DAB1: variants seen among roughly 807,000 people sequenced by gnomAD.
DAB1 encodes the protein disabled homolog 1.
DAB1 carries 15 observed loss-of-function variants against 64.6 expected under a neutral mutation model. That is an observed-to-expected ratio of 0.23 (90% CI 0.16 to 0.36). The LOEUF is 0.36. Ranked by LOEUF, DAB1 falls within the 10% of genes least tolerant of loss-of-function variation. The pLI, the probability that DAB1 is intolerant of heterozygous loss-of-function variation, is 1.00. For synonymous variants in DAB1, 235 were observed against 251.9 expected, an observed-to-expected ratio of 0.93 and a Z score of 0.64; for missense variants, 596 against 706.7, an observed-to-expected ratio of 0.84 and a Z score of 1.78.
intron 5 of DAB1, among the ~76,000 whole-genome samples, chr1:57,960,284 CTA>C (rs1345597509): frequency 6.6e-6 from 1 of 152,144 alleles, no homozygotes; most frequent in Admixed American, 6.6e-5. Flanking sequence ...ATTCAAATTA[CTA>C]TGTTTCACTG....
intron 4 of DAB1, among the ~76,000 whole-genome samples, chr1:58,165,703 T>G (rs1191364000): frequency 6.6e-6 from 1 of 152,146 alleles, no homozygotes; most frequent in Non-Finnish European, 1.5e-5. Flanking sequence ...CCAACTAAAA[T>G]TTTGTAGAGA....
At chr1:57,907,865 A>G (rs1366598904) in intron 5 of DAB1, among the ~76,000 whole-genome samples, 9 of 91,244 alleles carry the variant, frequency 9.9e-5, no homozygotes, top group South Asian at 9.4e-4. Flanking sequence ...AGGTATGTGT[A>G]TATATATATA....
rs567562149 is a variant in DAB1 at position 57,688,737 on chromosome 1, A to G, written n.552-39072T>C. Among the ~76,000 whole-genome samples, 11 of 152,342 alleles carry G rather than the reference A, an allele frequency of 7.2e-5. No individual in the cohort carries two copies. The East Asian group carries it at 2.1e-3, about 29-fold the overall frequency. ...ATACCATGAAATACTATGCAGCCAT[A>G]AAAGGAACAAAATTATGTCCTTTGC... On this transcript the variant is annotated intron_variant and non_coding_transcript_variant, in intron 6 of 20. Coordinates refer to the DAB1 transcript ENST00000485760.
At chr1:58,180,344 G>A (rs1384446245) in intron 4 of DAB1, among the ~76,000 whole-genome samples, 2 of 130,730 alleles carry the variant, frequency 1.5e-5, no homozygotes, top group African/African-American at 6.1e-5. Context: ...CCAGACTGGA[G>A]TGCAGTGGTG....
Position 57,877,552 on chromosome 1 carries a change from T to TA in DAB1, n.87+6446_87+6447insT, listed in dbSNP as rs1305028547. Among the ~76,000 whole-genome samples, 128 of 21,244 alleles carry TA rather than the reference T, an allele frequency of 6.0e-3. 32 individuals are homozygous for TA. The highest frequency in any genetic ancestry group is 0.029 in the African/African-American group (106 of 3,694). The allele number at this position is 21,244 out of a possible 152,430, so 13.9% of individuals were successfully genotyped here. A position where few individuals can be genotyped will look rare whatever the true frequency, so the allele number is the denominator to read the frequency against. On this transcript the variant is annotated intron_variant and non_coding_transcript_variant, in intron 1 of 1. Coordinates refer to the DAB1 transcript ENST00000477280. ...AAAAATCCTAATTGATTTATTTTTT[T>TA]TTTTTTTTTTTTTTTTTTTGAGACG...
chr1:58,351,791 T>C (rs1051425683), intron 3 of DAB1, among the ~76,000 whole-genome samples: 4 of 149,734 alleles, frequency 2.7e-5, no homozygotes, highest in African/African-American at 9.9e-5. Flanking sequence ...TGTTAATCTT[T>C]GCAGGGAGAT....
At chr1:57,174,521 G>A (rs901337511) in intron 2 of DAB1, among the ~76,000 whole-genome samples, 9 of 152,118 alleles carry the variant, frequency 5.9e-5, no homozygotes, top group Admixed American at 1.3e-4. Context: ...TTGACAGGGT[G>A]AAACAAGAAG....
At chr1:57,111,125 C>G (rs1655620344) in intron 4 of DAB1, among the ~76,000 whole-genome samples, 1 of 151,960 alleles carries the variant, frequency 6.6e-6, no homozygotes, top group Non-Finnish European at 1.5e-5. Flanking sequence ...TGAGCCAGAC[C>G]TGAAGGATGG....
At chr1:57,767,891 T>C (rs538910907) in intron 6 of DAB1, among the ~76,000 whole-genome samples, 4 of 152,100 alleles carry the variant, frequency 2.6e-5, no homozygotes, top group African/African-American at 9.6e-5. Flanking sequence ...AGAGTTGAGG[T>C]GCTGGCCGGG....
At chr1:58,330,211 C>T (rs1487277449) in intron 4 of DAB1, among the ~76,000 whole-genome samples, 1 of 152,160 alleles carries the variant, frequency 6.6e-6, no homozygotes, top group Non-Finnish European at 1.5e-5. Context: ...AGTGGTCTGG[C>T]TAAAGGATCA....
At chr1:58,089,517 A>C (rs1205262046) in intron 5 of DAB1, among the ~76,000 whole-genome samples, 1 of 152,248 alleles carries the variant, frequency 6.6e-6, no homozygotes, top group Non-Finnish European at 1.5e-5. Flanking sequence ...AAAGGTTTTC[A>C]ATATTCTCTA....
At chr1:58,043,910 T>G (rs1201258895) in intron 5 of DAB1, among the ~76,000 whole-genome samples, 5 of 152,148 alleles carry the variant, frequency 3.3e-5, no homozygotes, top group Admixed American at 3.3e-4. Context: ...GTATTCTTAG[T>G]AGAGATGGGG....
chr1:57,999,798 G>A (rs910822189), intron 5 of DAB1, among the ~76,000 whole-genome samples: 1 of 151,832 alleles, frequency 6.6e-6, no homozygotes, highest in East Asian at 1.9e-4. Flanking sequence ...GTTAAAAGCA[G>A]GGAGGGATGA....
chr1:57,854,205 G>T (rs1011357085), intron 1 of DAB1, among the ~76,000 whole-genome samples: 4 of 152,102 alleles, frequency 2.6e-5, no homozygotes, highest in Non-Finnish European at 4.4e-5. Context: ...AAAATTAAGG[G>T]TAATTACACT....
intron 3 of DAB1, among the ~76,000 whole-genome samples, chr1:58,495,564 A>G (rs1478295068): frequency 1.4e-5 from 2 of 141,356 alleles, no homozygotes; most frequent in African/African-American, 4.9e-5. Context: ...GCTAGTTACA[A>G]TTATATTTAA....
chr1:58,457,286 G>T (rs1393836660), intron 3 of DAB1, among the ~76,000 whole-genome samples: 2 of 152,128 alleles, frequency 1.3e-5, no homozygotes, highest in Non-Finnish European at 2.9e-5. Context: ...GATCCAAGAA[G>T]TAGCGAGGAA....
intron 3 of DAB1, among the ~76,000 whole-genome samples, chr1:58,442,272 C>G (rs573430945): frequency 6.6e-6 from 1 of 152,306 alleles, no homozygotes; most frequent in Non-Finnish European, 1.5e-5. Context: ...AAGGGAACCC[C>G]TGAATGGACC....
intron 4 of DAB1, among the ~76,000 whole-genome samples, chr1:58,291,883 T>C (rs1223046585): frequency 6.6e-6 from 1 of 152,192 alleles, no homozygotes; most frequent in Non-Finnish European, 1.5e-5. Context: ...TACCACAGAG[T>C]ACCCAGCTTA....
At chr1:57,823,038 G>A (rs1652191396), downstream of DAB1, among the ~76,000 whole-genome samples, 1 of 145,230 alleles carries the variant, frequency 6.9e-6, no homozygotes, top group African/African-American at 2.6e-5. Context: ...AGGCTGGAGT[G>A]CAGTGGCGCG....
Sources: gnomAD v4.1 joint callset for allele counts (sites outside exome capture counted in the v4.1 genomes callset) on GRCh38, gnomAD v4.1.1 for gene constraint, MANE v1.5 for transcripts, NCBI Gene and HGNC (gene_info 2026-07-23, HGNC 2026-07-21) for gene names.